Variants in ZNRF2 observed in about 807,000 individuals in gnomAD.
ZNRF2 encodes the protein zinc and ring finger 2, also known as E3 ubiquitin-protein ligase ZNRF2.
In ZNRF2, 16 loss-of-function variants were observed where a neutral mutation model predicts 20.4. The ratio of observed to expected loss-of-function variants is 0.79; its 90% CI spans 0.53 to 1.19. The LOEUF (loss-of-function observed/expected upper bound fraction) is 1.19. Ranked by LOEUF, ZNRF2 falls within the 50% of genes most tolerant of loss-of-function variation. ZNRF2 has a pLI of 0.00. For missense variants in ZNRF2, 363 were observed against 332.4 expected (o/e 1.09, Z -0.72); for synonymous variants, 178 against 144.9 (o/e 1.23, Z -1.64).
At chr7:30,332,507 A>C (rs928784240) in intron 2 of ZNRF2, among the ~76,000 whole-genome samples, 2 of 152,122 alleles carry the variant, frequency 1.3e-5, no homozygotes, top group Non-Finnish European at 2.9e-5. Context: ...GTAGTTTTTC[A>C]ACCCTTGTCC....
chr7:30,348,410 G>A (rs1799911024), intron 2 of ZNRF2, among the ~76,000 whole-genome samples: 1 of 152,136 alleles, frequency 6.6e-6, no homozygotes, highest in African/African-American at 2.4e-5. Flanking sequence ...GCTGCATGCT[G>A]GGATAAGCTA....
chr7:30,356,698 TA>T lies in ZNRF2; in HGVS notation c.671+866del, dbSNP rs376755216. 1.5e-3 allele frequency among the ~76,000 whole-genome samples: 186 copies of T among 122,460 alleles called. 1 individual carries two copies. The highest frequency in any genetic ancestry group is 5.3e-3 in the African/African-American group (170 of 31,990). 80.3% of individuals were successfully genotyped at this position (122,460 alleles called of 152,430 possible). A position where few individuals can be genotyped will look rare whatever the true frequency, so the allele number is the denominator to read the frequency against. ...GAATGACAAAAAGTATATAACATTG[TA>T]TTTTTTTTTTTTTTTTTTTTTTTTG... On this transcript the variant is annotated intron_variant, in intron 3 of 4. Coordinates refer to ENST00000323037, the MANE Select transcript of ZNRF2 (RefSeq NM_147128.4).
At chr7:30,286,826 A>G (rs911369661) in intron 1 of ZNRF2, among the ~76,000 whole-genome samples, 12 of 152,228 alleles carry the variant, frequency 7.9e-5, no homozygotes, top group African/African-American at 2.2e-4. Flanking sequence ...AAAATTAGCA[A>G]CTGAGCACAG....
chr7:30,338,845 C>T (rs941584368), intron 2 of ZNRF2, among the ~76,000 whole-genome samples: 40 of 152,270 alleles, frequency 2.6e-4, no homozygotes, highest in East Asian at 7.7e-4. Context: ...CTTGAGGAAT[C>T]GCCACACTGT....
At chr7:30,313,238 A>G (rs909322004) in intron 1 of ZNRF2, among the ~76,000 whole-genome samples, 3 of 152,206 alleles carry the variant, frequency 2.0e-5, no homozygotes, top group African/African-American at 7.2e-5. Context: ...CTTTAAGCCA[A>G]TGCGTATAAA....
rs1798759713 is a variant in ZNRF2, at chr7:30,285,501, G to C, written c.144G>C (p.Arg48Ser). ...GCGCTCGGGCCGCCGCCGCGGGGAG[G>C]TTCCCGGCTCAGGTGCCCAGCGCGC... ...GGGARAAAAG[R>S]FPAQVPSAHQ... Residue 48 changes from arginine to serine, a missense_variant, in exon 1 of 5, where the codon AGG (arginine) becomes AGC (serine). By Grantham distance (110) the Arg-to-Ser change is moderately radical. Coordinates refer to ENST00000323037, the MANE Select transcript of ZNRF2 (RefSeq NM_147128.4). The C allele has an allele frequency of 9.4e-7, 1 of 1,060,618 alleles. No individual in the cohort carries two copies. Among genetic ancestry groups the C allele is most frequent in the Non-Finnish European group, 1.1e-6 (1 of 881,088 alleles). The allele number at this position is 1,060,618 out of a possible 1,614,324, so 65.7% of individuals were successfully genotyped here. A position where few individuals can be genotyped will look rare whatever the true frequency, so the allele number is the denominator to read the frequency against.
chr7:30,310,865 C>CTGTCCTGTCCTGTCCTGTCT (rs920816832), intron 1 of ZNRF2, among the ~76,000 whole-genome samples: 1 of 151,970 alleles, frequency 6.6e-6, no homozygotes, highest in African/African-American at 2.4e-5. Context: ...CTGTCCTGTC[C>CTGTCCTGTCCTGTCCTGTCT]TGTCCTGTCC....
chr7:30,365,830 A>G (rs768898956), intron 4 of ZNRF2, among the ~76,000 whole-genome samples: 10 of 152,128 alleles, frequency 6.6e-5, no homozygotes, highest in Non-Finnish European at 1.5e-4. Context: ...GTGTGTGTGC[A>G]TTCTTTACTT....
chr7:30,319,777 A>C (rs1034377865), intron 1 of ZNRF2, among the ~76,000 whole-genome samples: 4 of 152,130 alleles, frequency 2.6e-5, no homozygotes, highest in Non-Finnish European at 5.9e-5. Context: ...TTCATTGTCT[A>C]TATGTTTTCT....
intron 1 of ZNRF2, among the ~76,000 whole-genome samples, chr7:30,317,988 C>A (rs1320866175): frequency 6.6e-6 from 1 of 152,080 alleles, no homozygotes; most frequent in East Asian, 1.9e-4. Flanking sequence ...TGCATTTCTA[C>A]GTAGGGGAGT....
chr7:30,353,401 C>G (rs1399056770), intron 2 of ZNRF2, among the ~76,000 whole-genome samples: 1 of 151,960 alleles, frequency 6.6e-6, no homozygotes, highest in African/African-American at 2.4e-5. Context: ...AAGTACAGTT[C>G]TGATTATTTT....
At chr7:30,291,678 G>A (rs1326632068) in intron 1 of ZNRF2, among the ~76,000 whole-genome samples, 5 of 152,138 alleles carry the variant, frequency 3.3e-5, no homozygotes, top group Admixed American at 3.3e-4. Flanking sequence ...AATTTGAGTG[G>A]CTACAGGATT....
At chr7:30,320,418 C>A (rs1257521010) in intron 1 of ZNRF2, among the ~76,000 whole-genome samples, 1 of 151,982 alleles carries the variant, frequency 6.6e-6, no homozygotes, top group South Asian at 2.1e-4. Context: ...ACTAGTAGTA[C>A]CCACATGCAT....
chr7:30,308,744 A>T (rs1264338595), intron 1 of ZNRF2, among the ~76,000 whole-genome samples: 1 of 152,200 alleles, frequency 6.6e-6, no homozygotes, highest in Admixed American at 6.6e-5. Context: ...TGTAACAATT[A>T]GTATTGTCAA....
At chr7:30,318,075 T>C (rs1799405559) in intron 1 of ZNRF2, among the ~76,000 whole-genome samples, 1 of 152,196 alleles carries the variant, frequency 6.6e-6, no homozygotes, top group African/African-American at 2.4e-5. Context: ...AGTGGAGCTT[T>C]GTTTTAGGGA....
At chr7:30,361,473 A>G (rs996388661) in intron 3 of ZNRF2, among the ~76,000 whole-genome samples, 4 of 152,222 alleles carry the variant, frequency 2.6e-5, no homozygotes, top group Admixed American at 2.6e-4. Flanking sequence ...CGGCATATGC[A>G]AATTTGAAAT....
At chr7:30,352,167 A>G (rs1473830406) in intron 2 of ZNRF2, among the ~76,000 whole-genome samples, 1 of 152,002 alleles carries the variant, frequency 6.6e-6, no homozygotes, top group Non-Finnish European at 1.5e-5. Flanking sequence ...ATAAAAGGAA[A>G]CTTGAGGTTG....
At chr7:30,331,662 T>C (rs1333815920) in intron 2 of ZNRF2, among the ~76,000 whole-genome samples, 1 of 152,170 alleles carries the variant, frequency 6.6e-6, no homozygotes, top group African/African-American at 2.4e-5. Flanking sequence ...TGGAGAACCT[T>C]ATAGAATTGC....
intron 2 of ZNRF2, among the ~76,000 whole-genome samples, chr7:30,344,218 G>T (rs1430449305): frequency 1.3e-5 from 2 of 150,392 alleles, no homozygotes; most frequent in East Asian, 3.9e-4. Context: ...CACTGCGCCC[G>T]GCCCCAGCTC....
Sources: allele counts gnomAD v4.1 joint callset (sites outside exome capture counted in the v4.1 genomes callset), GRCh38; gene constraint gnomAD v4.1.1; transcripts MANE v1.5; gene names NCBI Gene and HGNC (gene_info 2026-07-23, HGNC 2026-07-21).